Variants in PTPRD observed in about 807,000 individuals in gnomAD.
PTPRD encodes the protein receptor-type tyrosine-protein phosphatase delta.
A neutral mutation model predicts 214.5 loss-of-function variants in PTPRD; 34 were observed. The ratio of observed to expected loss-of-function variants is 0.16; its 90% CI spans 0.12 to 0.21. The LOEUF (loss-of-function observed/expected upper bound fraction) is 0.21, where lower values mean the gene tolerates loss of function less well. Among genes scored for constraint, PTPRD ranks in the 10% least tolerant of loss-of-function variants. The pLI is 1.00. For missense variants in PTPRD, 2,545 were observed against 2,398.7 expected, an observed-to-expected ratio of 1.06 and a Z score of -1.27; for synonymous variants, 1,128 against 845.7, an observed-to-expected ratio of 1.33 and a Z score of -5.79.
intron 5 of PTPRD, among the ~76,000 whole-genome samples, chr9:9,775,981 C>CAAAAAAAAAA (rs1454097319): frequency 6.9e-5 from 6 of 86,396 alleles, no homozygotes; most frequent in African/African-American, 1.3e-4. Context: ...AAAAAAAAAG[C>CAAAAAAAAAA]AAATCCTTTT....
intron 2 of PTPRD, among the ~76,000 whole-genome samples, chr9:10,449,272 G>T (rs7026802): frequency 3.3e-5 from 5 of 151,118 alleles, no homozygotes; most frequent in African/African-American, 1.2e-4. Context: ...AGCTCCTGAC[G>T]GCGAGTGATC....
chr9:8,655,939 C>G (rs1054112712), intron 12 of PTPRD, among the ~76,000 whole-genome samples: 2 of 152,090 alleles, frequency 1.3e-5, no homozygotes, highest in African/African-American at 4.8e-5. Flanking sequence ...GCTACTATTG[C>G]CTACTTAGTG....
intron 9 of PTPRD, among the ~76,000 whole-genome samples, chr9:9,301,412 C>G (rs997453822): frequency 3.3e-5 from 5 of 151,814 alleles, no homozygotes; most frequent in African/African-American, 1.2e-4. Context: ...CAACGACCAT[C>G]ATAAAGATGG....
intron 7 of PTPRD, among the ~76,000 whole-genome samples, chr9:9,684,418 A>T (rs1335700416): frequency 6.6e-6 from 1 of 151,606 alleles, no homozygotes; most frequent in East Asian, 1.9e-4. Flanking sequence ...TTTCCAGATT[A>T]GTTCGACTCT....
chr9:10,511,180 T>C (rs1474387707), intron 2 of PTPRD, among the ~76,000 whole-genome samples: 6 of 152,204 alleles, frequency 3.9e-5, no homozygotes, highest in Admixed American at 3.9e-4. Context: ...AGTCGAAGTA[T>C]GTGTGAGTTA....
chr9:9,760,233 GT>G (rs1319742150), intron 6 of PTPRD, among the ~76,000 whole-genome samples: 1 of 151,324 alleles, frequency 6.6e-6, no homozygotes, highest in African/African-American at 2.4e-5. Context: ...CTTTTTTTTT[GT>G]TACTGAAAAC....
chr9:9,415,305 C>G (rs1036502595), intron 8 of PTPRD, among the ~76,000 whole-genome samples: 1 of 151,924 alleles, frequency 6.6e-6, no homozygotes, highest in Non-Finnish European at 1.5e-5. Context: ...AAAACTCCAT[C>G]TCTACTGAAA....
At chr9:9,559,300 A>T (rs2082302874) in intron 8 of PTPRD, among the ~76,000 whole-genome samples, 1 of 152,032 alleles carries the variant, frequency 6.6e-6, no homozygotes, top group Admixed American at 6.6e-5. Context: ...CCAGTCTGGG[A>T]GTTGGTTACC....
At chr9:9,857,736 G>A (rs1170898304) in intron 5 of PTPRD, among the ~76,000 whole-genome samples, 3 of 152,178 alleles carry the variant, frequency 2.0e-5, no homozygotes, top group African/African-American at 7.2e-5. Context: ...TGTCTTAAAT[G>A]TCTGTTTCAG....
At chr9:10,547,566 T>A (rs1369935857) in intron 2 of PTPRD, among the ~76,000 whole-genome samples, 2 of 152,046 alleles carry the variant, frequency 1.3e-5, no homozygotes, top group Non-Finnish European at 2.9e-5. Flanking sequence ...ACCTTACACA[T>A]AAGAAACACA....
chr9:9,745,013 A>G (rs1445612568), intron 6 of PTPRD, among the ~76,000 whole-genome samples: 1 of 152,140 alleles, frequency 6.6e-6, no homozygotes, highest in African/African-American at 2.4e-5. Context: ...AAATCCATGT[A>G]GAGCAAATAA....
At chr9:8,801,386 T>C (rs2096567563) in intron 11 of PTPRD, among the ~76,000 whole-genome samples, 1 of 152,196 alleles carries the variant, frequency 6.6e-6, no homozygotes, top group Non-Finnish European at 1.5e-5. Context: ...TCTGAATACA[T>C]TTTAATCATT....
At chr9:9,348,697 G>A (rs1047475762) in intron 9 of PTPRD, among the ~76,000 whole-genome samples, 1 of 151,998 alleles carries the variant, frequency 6.6e-6, no homozygotes, top group Non-Finnish European at 1.5e-5. Flanking sequence ...TGAATAAATG[G>A]CATCTTCACC....
At chr9:10,494,448 T>G (rs912927352) in intron 2 of PTPRD, among the ~76,000 whole-genome samples, 9 of 151,810 alleles carry the variant, frequency 5.9e-5, no homozygotes, top group African/African-American at 2.2e-4. Context: ...TGGCCTCATA[T>G]TGTTCTTTGG....
intron 9 of PTPRD, among the ~76,000 whole-genome samples, chr9:9,201,361 G>A (rs1057154383): frequency 2.6e-5 from 4 of 152,100 alleles, no homozygotes; most frequent in African/African-American, 9.7e-5. Context: ...GAAAACTGTG[G>A]AATGCTTATT....
At chr9:10,143,129 T>TG (rs1018021343) in intron 3 of PTPRD, among the ~76,000 whole-genome samples, 14 of 150,526 alleles carry the variant, frequency 9.3e-5, no homozygotes, top group African/African-American at 3.2e-4. Flanking sequence ...TGTTGTGAGG[T>TG]GGGGGGAGGG....
chr9:10,260,079 A>C (rs2093594239), intron 3 of PTPRD, among the ~76,000 whole-genome samples: 1 of 152,178 alleles, frequency 6.6e-6, no homozygotes, highest in Admixed American at 6.5e-5. Flanking sequence ...ACTACACTAA[A>C]ACAATCTTAG....
At chr9:9,681,281 ATTGT>A (rs1254155989) in intron 7 of PTPRD, among the ~76,000 whole-genome samples, 2 of 151,662 alleles carry the variant, frequency 1.3e-5, no homozygotes, top group South Asian at 2.1e-4. Flanking sequence ...TGGTGGACAG[ATTGT>A]TTGTCTCATC....
intron 2 of PTPRD, among the ~76,000 whole-genome samples, chr9:10,573,172 C>T (rs535780199): frequency 6.6e-6 from 1 of 152,202 alleles, no homozygotes; most frequent in South Asian, 2.1e-4. Context: ...ATTCTCAACT[C>T]CTGAATTTAG....
Sources: allele counts gnomAD v4.1 joint callset (sites outside exome capture counted in the v4.1 genomes callset), GRCh38; gene constraint gnomAD v4.1.1; transcripts MANE v1.5; gene names NCBI Gene and HGNC (gene_info 2026-07-23, HGNC 2026-07-21).